CPED1: variants seen among roughly 807,000 people sequenced by gnomAD.
CPED1 encodes cadherin like and PC-esterase domain containing 1, also known as cadherin-like and PC-esterase domain-containing protein 1.
In CPED1, 114 loss-of-function variants were observed where a neutral mutation model predicts 128.2. The observed-to-expected ratio is 0.89, with a 90% CI of 0.76 to 1.04. The LOEUF (loss-of-function observed/expected upper bound fraction) is 1.04, where lower values mean the gene tolerates loss of function less well. Among genes scored for constraint, CPED1 ranks in the 50% least tolerant of loss-of-function variants. The probability of loss-of-function intolerance (pLI) is 0.00; values close to 1 mark genes in which losing one functional copy is unlikely to be tolerated. For missense variants in CPED1, 1,211 were observed against 1,207.1 expected, an observed-to-expected ratio of 1.00 and a Z score of -0.05; for synonymous variants, 462 against 426.7, an observed-to-expected ratio of 1.08 and a Z score of -1.02.
At chr7:121,286,485 G>T (rs528476598) in intron 22 of CPED1, among the ~76,000 whole-genome samples, 47 of 152,294 alleles carry the variant, frequency 3.1e-4, no homozygotes, top group South Asian at 1.4e-3. Context: ...GAATCCCTCA[G>T]TCCAAACCTG....
intron 16 of CPED1, among the ~76,000 whole-genome samples, chr7:121,206,335 A>C (rs1211731719): frequency 1.4e-4 from 22 of 152,090 alleles, no homozygotes; most frequent in Admixed American, 1.4e-3. Context: ...TTAATATCAC[A>C]AAAAGTTAAT....
intron 16 of CPED1, among the ~76,000 whole-genome samples, chr7:121,151,115 A>G (rs1029969304): frequency 1.3e-5 from 2 of 152,146 alleles, no homozygotes; most frequent in African/African-American, 4.8e-5. Flanking sequence ...GTTTGGCTCT[A>G]TATAGGATAA....
At chr7:121,058,432 C>T (rs1793559010) in intron 4 of CPED1, among the ~76,000 whole-genome samples, 1 of 152,118 alleles carries the variant, frequency 6.6e-6, no homozygotes, top group Admixed American at 6.5e-5. Flanking sequence ...ATCCTGAAGA[C>T]ATTTTAAAGG....
intron 2 of CPED1, among the ~76,000 whole-genome samples, chr7:121,001,622 A>G (rs144346160): frequency 2.6e-4 from 40 of 152,312 alleles, no homozygotes; most frequent in Non-Finnish European, 4.3e-4. Flanking sequence ...GCAGACTTCT[A>G]GAAACCACCA....
At chr7:121,159,025 C>T (rs1796353248) in intron 16 of CPED1, among the ~76,000 whole-genome samples, 1 of 152,020 alleles carries the variant, frequency 6.6e-6, no homozygotes, top group Non-Finnish European at 1.5e-5. Flanking sequence ...AAGTGCCAAC[C>T]CCCCGAAATA....
chr7:121,251,273 T>C (rs1798666145), intron 18 of CPED1, among the ~76,000 whole-genome samples: 2 of 152,198 alleles, frequency 1.3e-5, no homozygotes, highest in Non-Finnish European at 2.9e-5. Context: ...CAACCCTTCA[T>C]GCTAAAAACT....
intron 22 of CPED1, among the ~76,000 whole-genome samples, chr7:121,279,595 A>G (rs79229579): frequency 0.011 from 1,636 of 152,272 alleles, 31 homozygotes; most frequent in African/African-American, 0.038. Flanking sequence ...GCTGTGAGTG[A>G]GGCATACTTG....
intron 22 of CPED1, among the ~76,000 whole-genome samples, chr7:121,293,713 C>G (rs1430502178): frequency 6.6e-6 from 1 of 152,026 alleles, no homozygotes; most frequent in Non-Finnish European, 1.5e-5. Context: ...CTGGATAGCA[C>G]CATCCCTCAT....
At position 121,266,705 on chromosome 7, in the gene CPED1, A is replaced by G. The variant is rs1212364871; in HGVS notation, c.2532-2A>G. The G allele has an allele frequency of 2.5e-6, 4 of 1,610,892 alleles. No individual in the cohort carries two copies. In the East Asian group the frequency reaches 6.7e-5, roughly 27 times the overall value. On this transcript the variant is annotated splice_acceptor_variant, in intron 19 of 22. Transcript: ENST00000310396. LOFTEE classifies it high-confidence loss of function. ...TGTGTTGTTTTTCTTTCTGAATTTCAGATCACGTCCCCTAGAGAATACTGG... is the reference window on the plus strand; with the variant it reads ...TGTGTTGTTTTTCTTTCTGAATTTCGGATCACGTCCCCTAGAGAATACTGG...
At chr7:121,108,902 A>C (rs904189021) in intron 7 of CPED1, among the ~76,000 whole-genome samples, 3 of 152,108 alleles carry the variant, frequency 2.0e-5, no homozygotes, top group African/African-American at 7.2e-5. Context: ...TTCCTTGGAA[A>C]AACAACAACA....
chr7:121,181,989 A>C (rs991902116), intron 16 of CPED1, among the ~76,000 whole-genome samples: 2 of 152,096 alleles, frequency 1.3e-5, no homozygotes, highest in Non-Finnish European at 2.9e-5. Context: ...GTTTATTCCA[A>C]AATGAACCTG....
At chr7:121,112,576 C>A (rs1440951367) in intron 7 of CPED1, among the ~76,000 whole-genome samples, 2 of 152,280 alleles carry the variant, frequency 1.3e-5, no homozygotes, top group East Asian at 1.9e-4. Context: ...GGACTTCTAG[C>A]CTCTAAAACT....
chr7:121,108,921 G>A (rs1377808015), intron 7 of CPED1, among the ~76,000 whole-genome samples: 4 of 152,004 alleles, frequency 2.6e-5, no homozygotes, highest in Non-Finnish European at 5.9e-5. Flanking sequence ...CAACAAAAAA[G>A]ATTTTGCAAC....
chr7:121,164,212 T>A (rs886213198), intron 16 of CPED1, among the ~76,000 whole-genome samples: 1 of 152,214 alleles, frequency 6.6e-6, no homozygotes, highest in Non-Finnish European at 1.5e-5. Flanking sequence ...AGGGGCTGTG[T>A]GCCACTGTGG....
chr7:121,102,900 C>T (rs1794889381), intron 7 of CPED1, among the ~76,000 whole-genome samples: 1 of 152,176 alleles, frequency 6.6e-6, no homozygotes, highest in Middle Eastern at 3.4e-3. Context: ...TGTTATTTTT[C>T]TTTGTTATCA....
intron 16 of CPED1, among the ~76,000 whole-genome samples, chr7:121,160,955 G>T (rs1796399371): frequency 6.6e-6 from 1 of 152,060 alleles, no homozygotes; most frequent in South Asian, 2.1e-4. Flanking sequence ...GGTCAACAGG[G>T]ATGACCCCCA....
intron 20 of CPED1, 51 bp downstream of exon 20, chr7:121,266,859 A>T (rs1273613852): frequency 1.5e-6 from 2 of 1,296,984 alleles, no homozygotes; most frequent in Non-Finnish European, 2.2e-6. Context: ...CAAAAAAGTT[A>T]CTATGGATGT....
intron 16 of CPED1, among the ~76,000 whole-genome samples, chr7:121,188,678 G>A (rs1797058480): frequency 6.6e-6 from 1 of 152,060 alleles, no homozygotes; most frequent in Admixed American, 6.6e-5. Context: ...CTTAAATGGA[G>A]GGGTAAGGAC....
At chr7:121,081,707 G>A (rs542297506) in intron 5 of CPED1, among the ~76,000 whole-genome samples, 28 of 152,172 alleles carry the variant, frequency 1.8e-4, no homozygotes, top group Non-Finnish European at 3.2e-4. Flanking sequence ...GCAACTTAGA[G>A]ATTGAGTACA....
Sources: gnomAD v4.1 joint callset for allele counts (sites outside exome capture counted in the v4.1 genomes callset) on GRCh38, gnomAD v4.1.1 for gene constraint, MANE v1.5 for transcripts, NCBI Gene and HGNC (gene_info 2026-07-23, HGNC 2026-07-21) for gene names.